The following PSMC4 variants were observed in gnomAD, a reference collection of about 807,000 sequenced individuals.
PSMC4 encodes the protein 26S proteasome regulatory subunit 6B.
In PSMC4, 13 loss-of-function variants were observed where a neutral mutation model predicts 48.4. The observed-to-expected ratio is 0.27, with a 90% CI of 0.18 to 0.43. The LOEUF (loss-of-function observed/expected upper bound fraction) is 0.43, where lower values mean the gene tolerates loss of function less well. PSMC4 is among the 20% of genes least tolerant of loss of function. The pLI, the probability that PSMC4 is intolerant of heterozygous loss-of-function variation, is 1.00. For synonymous variants in PSMC4, 202 were observed against 212.3 expected (o/e 0.95, Z 0.42); for missense variants, 262 against 555.9 (o/e 0.47, Z 5.32).
At chr19:39,978,328 A>G (rs1005413296) in intron 6 of PSMC4, among the ~76,000 whole-genome samples, 17 of 152,166 alleles carry the variant, frequency 1.1e-4, no homozygotes, top group African/African-American at 4.1e-4. Flanking sequence ...AGGCTCGGTC[A>G]GATAAGGCAA....
Position 39,981,309 on chromosome 19 carries a change from T to A in PSMC4, c.*4T>A, listed in dbSNP as rs770071605. 6.2e-7 allele frequency: 1 copy of A among 1,605,564 alleles called. No individual in the cohort carries two copies. The highest frequency in any genetic ancestry group is 1.7e-5 in the Admixed American group (1 of 59,996). Reference sequence around the variant, plus strand: ...GGAGCATGAGTTTTACAAGTGACCCTTCCCTTCCCTCCACCACACCACTCA... The same window carrying A: ...GGAGCATGAGTTTTACAAGTGACCCATCCCTTCCCTCCACCACACCACTCA... On this transcript the variant is annotated 3_prime_UTR_variant, in exon 11 of 11. Coordinates refer to ENST00000157812, the MANE Select transcript of PSMC4 (RefSeq NM_006503.4).
In PSMC4 at chr19:39,971,749, A is replaced by G. The variant is rs191615204; in HGVS notation, c.37-397A>G. ...GGGATCTTTGAGGGGAAACTGGGGAATGTTGGGACTCGTTGAAGGCGCAGT... is the reference window on the plus strand; with the variant it reads ...GGGATCTTTGAGGGGAAACTGGGGAGTGTTGGGACTCGTTGAAGGCGCAGT... On this transcript the variant is annotated intron_variant, in intron 1 of 10. Coordinates refer to ENST00000157812, the MANE Select transcript of PSMC4 (RefSeq NM_006503.4). Among the ~76,000 whole-genome samples the G allele has an allele frequency of 1.6e-3, 236 of 152,162 alleles. 1 individual carries two copies. The highest frequency in any genetic ancestry group is 5.5e-3 in the African/African-American group (228 of 41,516).
At chr19:39,973,675 A>G (rs933316970) in intron 3 of PSMC4, among the ~76,000 whole-genome samples, 1 of 150,936 alleles carries the variant, frequency 6.6e-6, no homozygotes, top group Admixed American at 6.6e-5. Context: ...ATATAGGTCT[A>G]GGCCTTGCCC....
chr19:39,973,672 T>G (rs1450196833), intron 3 of PSMC4, among the ~76,000 whole-genome samples: 4 of 151,780 alleles, frequency 2.6e-5, no homozygotes, highest in Non-Finnish European at 4.4e-5. Context: ...TTTATATAGG[T>G]CTAGGCCTTG....
intron 3 of PSMC4, among the ~76,000 whole-genome samples, chr19:39,972,851 T>C (rs1971126406): frequency 6.6e-6 from 1 of 152,010 alleles, no homozygotes; most frequent in South Asian, 2.1e-4. Context: ...GTTCACACGA[T>C]TCTCCTGTCT....
In PSMC4 at chr19:39,981,311, C is replaced by A. The variant is rs773437270; in HGVS notation, c.*6C>A. On this transcript the variant is annotated 3_prime_UTR_variant, in exon 11 of 11. Transcript: ENST00000157812. ...AGCATGAGTTTTACAAGTGACCCTT[C>A]CCTTCCCTCCACCACACCACTCAGG... The A allele has an allele frequency of 6.2e-7, 1 of 1,603,876 alleles. No individual in the cohort carries two copies. The highest frequency in any genetic ancestry group is 8.5e-7 in the Non-Finnish European group (1 of 1,170,756).
At chr19:39,971,263 A>T in intron 1 of PSMC4, 25 bp downstream of exon 1, 1 of 1,613,886 alleles carries the variant, frequency 6.2e-7, no homozygotes, top group African/African-American at 1.3e-5. Context: ...TGGGCTTTTT[A>T]GTCCGGGCCG....
chr19:39,978,139 A>G (rs748920439), intron 6 of PSMC4, among the ~76,000 whole-genome samples: 2 of 151,768 alleles, frequency 1.3e-5, no homozygotes, highest in African/African-American at 2.4e-5. Flanking sequence ...TTCGGGGGGA[A>G]TTCATCTATT....
chr19:39,972,435 C>A lies in PSMC4; in HGVS notation c.202C>A (p.Leu68Met). The change falls in exon 3 of 11, where the codon CTG (leucine) becomes ATG (methionine). Residue 68 changes from leucine to methionine, a missense_variant. Physicochemically the swap from Leu to Met is conservative, Grantham distance 15. Coordinates refer to ENST00000157812, the MANE Select transcript of PSMC4 (RefSeq NM_006503.4). ...ATACATCAAAGATGAGCAAAAGAAC[C>A]TGAAAAAGGAATTTCTCCATGCCCA... ...EEYIKDEQKN[L>M]KKEFLHAQEE... 1 of 1,614,108 alleles carries A rather than the reference C, an allele frequency of 6.2e-7. No homozygotes were observed. Among genetic ancestry groups the A allele is most frequent in the South Asian group, 1.1e-5 (1 of 91,080 alleles).
intron 3 of PSMC4, among the ~76,000 whole-genome samples, chr19:39,973,323 C>T (rs757412882): frequency 1.0e-4 from 15 of 150,140 alleles, no homozygotes; most frequent in South Asian, 4.1e-4. Context: ...GTGCCTCACA[C>T]GTATAATCCC....
Position 39,974,476 on chromosome 19 carries a change from G to A in PSMC4, c.469+36G>A. 1 of 1,613,338 alleles carries A rather than the reference G, an allele frequency of 6.2e-7. No individual in the cohort carries two copies. The highest frequency in any genetic ancestry group is 1.1e-5 in the South Asian group (1 of 91,062). On this transcript the variant is annotated intron_variant, in intron 4 of 10. Coordinates refer to ENST00000157812, the MANE Select transcript of PSMC4 (RefSeq NM_006503.4). The surrounding 1 kb of genome is among the most constrained non-coding windows in gnomAD (Gnocchi z 5.5). Reference sequence around the variant, plus strand: ...AGCCTGCAGCTGGGAGGGCCCCATGGGGACCTTGAGGACCTGGCCAGGAGC... The same window carrying A: ...AGCCTGCAGCTGGGAGGGCCCCATGAGGACCTTGAGGACCTGGCCAGGAGC...
intron 6 of PSMC4, chr19:39,979,340 C>T (rs1447039326): frequency 6.6e-6 from 1 of 152,306 alleles, no homozygotes; most frequent in East Asian, 1.9e-4. Flanking sequence ...GCGGGCAGAT[C>T]ACTTGAGGTC....
Position 39,981,102 on chromosome 19 carries a change from A to G in PSMC4, c.1144-90A>G, listed in dbSNP as rs1000907688. The G allele has an allele frequency of 4.6e-5, 44 of 961,476 alleles. No individual in the cohort carries two copies. The East Asian group carries it at 7.5e-4, about 16-fold the overall frequency. 59.6% of individuals were successfully genotyped at this position (961,476 alleles called of 1,614,324 possible). A position where few individuals can be genotyped will look rare whatever the true frequency, so the allele number is the denominator to read the frequency against. ...GAACTCTTGGGCTCAAGTGATCTGT[A>G]TACCTCAGCCTCCCAAAGTGTCGGG... On this transcript the variant is annotated intron_variant, in intron 10 of 10. Transcript: ENST00000157812.
Position 39,980,917 on chromosome 19 carries a change from C to A in PSMC4, c.1143+200C>A, listed in dbSNP as rs993494012. 1.3e-5 allele frequency among the ~76,000 whole-genome samples: 2 copies of A among 152,008 alleles called. No individual in the cohort carries two copies. Among genetic ancestry groups the A allele is most frequent in the African/African-American group, 4.8e-5 (2 of 41,386 alleles). On this transcript the variant is annotated intron_variant, in intron 10 of 10. Coordinates refer to ENST00000157812, the MANE Select transcript of PSMC4 (RefSeq NM_006503.4). This position sits in a 1 kb window ranked among gnomAD's most constrained non-coding sequence, Gnocchi z 4.8. ...GCTTTGAGACAGGGACTCACTCTGT[C>A]GCCCAGGCTGGAGTGCAGTGGGGCA...
chr19:39,973,176 A>G (rs541168257), intron 3 of PSMC4, among the ~76,000 whole-genome samples: 27 of 152,260 alleles, frequency 1.8e-4, no homozygotes, highest in Non-Finnish European at 2.9e-4. Flanking sequence ...TTTCTATCCT[A>G]TTCTAGTCTG....
chr19:39,972,578 A>G (rs1350552818), intron 3 of PSMC4, 23 bp downstream of exon 3: 4 of 1,592,810 alleles, frequency 2.5e-6, no homozygotes, highest in Admixed American at 1.7e-5. Context: ...CACCTCATTC[A>G]TTCATCTGTC....
At position 39,980,799 on chromosome 19, in the gene PSMC4, C is replaced by A. The variant is rs778186660; in HGVS notation, c.1143+82C>A. On this transcript the variant is annotated intron_variant, in intron 10 of 10. Coordinates refer to ENST00000157812, the MANE Select transcript of PSMC4 (RefSeq NM_006503.4). This position sits in a 1 kb window ranked among gnomAD's most constrained non-coding sequence, Gnocchi z 4.8. ...CTGAACCACTCTGCTGCAGTCCTGTCCCCTCATGGCTGCCCTGGGTCGTGG... is the reference window on the plus strand; with the variant it reads ...CTGAACCACTCTGCTGCAGTCCTGTACCCTCATGGCTGCCCTGGGTCGTGG... 12 of 1,387,386 alleles carry A rather than the reference C, an allele frequency of 8.6e-6. No homozygotes were observed. Among genetic ancestry groups the A allele is most frequent in the Non-Finnish European group, 1.2e-5 (12 of 974,594 alleles). The allele number at this position is 1,387,386 out of a possible 1,614,324, so 85.9% of individuals were successfully genotyped here.
chr19:39,981,013 A>AG (rs1555721795), intron 10 of PSMC4, among the ~76,000 whole-genome samples, 179 bp from the exon 11 acceptor site: 5,103 of 151,872 alleles, frequency 0.034, 172 homozygotes, highest in African/African-American at 0.077. Flanking sequence ...GCCCACCACC[A>AG]GTCTGGCTAA....
At position 39,972,742 on chromosome 19, in the gene PSMC4, TTTTG is replaced by T. The variant is rs199589111; in HGVS notation, c.322+199_322+202del. On this transcript the variant is annotated intron_variant, in intron 3 of 10. Coordinates refer to ENST00000157812, the MANE Select transcript of PSMC4 (RefSeq NM_006503.4). ...ATATATATATGTATATCTATGTTTTTTTTGTTTGTTTGTTTTTTGTTTTGAGACA... is the reference window on the plus strand; with the variant it reads ...ATATATATATGTATATCTATGTTTTTTTTGTTTGTTTTTTGTTTTGAGACA... 8.0e-3 allele frequency among the ~76,000 whole-genome samples: 1,224 copies of T among 152,120 alleles called. 15 individuals are homozygous for T. Among genetic ancestry groups the T allele is most frequent in the African/African-American group, 0.028 (1,155 of 41,468 alleles).
Sources: gnomAD v4.1 joint callset for allele counts (sites outside exome capture counted in the v4.1 genomes callset) on GRCh38, gnomAD v4.1.1 for gene constraint, Gnocchi (gnomAD v3.1) non-coding constraint, MANE v1.5 for transcripts, NCBI Gene and HGNC (gene_info 2026-07-23, HGNC 2026-07-21) for gene names.